SCN9A: variants seen among roughly 807,000 people sequenced by gnomAD.
SCN9A encodes the protein sodium voltage-gated channel alpha subunit 9, also known as sodium channel protein type 9 subunit alpha.
SCN9A carries 131 observed loss-of-function variants against 187.0 expected under a neutral mutation model. The ratio of observed to expected loss-of-function variants is 0.70; its 90% CI spans 0.61 to 0.81. The LOEUF is 0.81. Among genes scored for constraint, SCN9A ranks in the 30% least tolerant of loss-of-function variants. The probability of loss-of-function intolerance (pLI) is 0.00; values close to 1 mark genes in which losing one functional copy is unlikely to be tolerated. For synonymous variants in SCN9A, 809 were observed against 808.6 expected (o/e 1.00, Z -0.01); for missense variants, 2,252 against 2,396.6 (o/e 0.94, Z 1.26).
At chr2:166,370,222 T>TC (rs201414746) in intron 1 of SCN9A, among the ~76,000 whole-genome samples, 22,530 of 141,348 alleles carry the variant, frequency 0.16, 1,976 homozygotes, top group African/African-American at 0.21. Flanking sequence ...ATAATAATAA[T>TC]AATAATAATA....
At chr2:166,333,984 T>C (rs1375348911) in intron 1 of SCN9A, among the ~76,000 whole-genome samples, 1 of 152,088 alleles carries the variant, frequency 6.6e-6, no homozygotes, top group African/African-American at 2.4e-5. Context: ...AGGGCATCAA[T>C]TAACAATGTT....
At chr2:166,300,571 G>A (rs1000514399) in intron 7 of SCN9A, among the ~76,000 whole-genome samples, 1 of 150,518 alleles carries the variant, frequency 6.6e-6, no homozygotes, top group African/African-American at 2.5e-5. Context: ...ATTCCCACTA[G>A]ATGATAAGCT....
intron 19 of SCN9A, among the ~76,000 whole-genome samples, chr2:166,241,935 C>T (rs1695582749): frequency 6.6e-6 from 1 of 152,094 alleles, no homozygotes; most frequent in Non-Finnish European, 1.5e-5. Context: ...GGGTACAAAA[C>T]ATTACTCCAA....
chr2:166,261,462 A>G (rs1017050843), intron 17 of SCN9A, among the ~76,000 whole-genome samples: 92 of 152,064 alleles, frequency 6.1e-4, no homozygotes, highest in African/African-American at 2.0e-3. Flanking sequence ...GGTATTGGAT[A>G]TAAAGCTGTA....
intron 5 of SCN9A, among the ~76,000 whole-genome samples, chr2:166,304,756 G>A (rs1230559323): frequency 6.6e-6 from 1 of 152,002 alleles, no homozygotes; most frequent in African/African-American, 2.4e-5. Flanking sequence ...GTTTCCAAGG[G>A]GCCAGGGAGA....
intron 24 of SCN9A, among the ~76,000 whole-genome samples, chr2:166,209,448 A>G (rs1362915649): frequency 2.0e-5 from 3 of 152,214 alleles, no homozygotes; most frequent in African/African-American, 7.2e-5. Flanking sequence ...TGATACATGA[A>G]CACAATGAGG....
intron 10 of SCN9A, 150 bp downstream of exon 10, chr2:166,288,287 T>G: frequency 1.7e-6 from 1 of 575,804 alleles, no homozygotes; most frequent in Non-Finnish European, 2.9e-6. Flanking sequence ...ATTGGTTCCT[T>G]TTTCCACACC....
At chr2:166,227,003 CTAAG>C (rs569750004) in intron 23 of SCN9A, among the ~76,000 whole-genome samples, 43 of 152,048 alleles carry the variant, frequency 2.8e-4, no homozygotes, top group African/African-American at 9.4e-4. Flanking sequence ...AATTCAATAA[CTAAG>C]TGACATACTA....
At chr2:166,254,601 AT>A (rs1463912296) in intron 17 of SCN9A, among the ~76,000 whole-genome samples, 2 of 151,440 alleles carry the variant, frequency 1.3e-5, no homozygotes, top group South Asian at 2.1e-4. Context: ...AATTATTTGT[AT>A]TATTTTATAT....
chr2:166,243,546 CT>C (rs1695657476), intron 18 of SCN9A, among the ~76,000 whole-genome samples: 1 of 151,794 alleles, frequency 6.6e-6, no homozygotes, highest in African/African-American at 2.4e-5. Context: ...GAGATGGAGC[CT>C]GGGTTGAATC....
chr2:166,342,549 C>T (rs927065364), intron 1 of SCN9A, among the ~76,000 whole-genome samples: 1 of 152,066 alleles, frequency 6.6e-6, no homozygotes, highest in Non-Finnish European at 1.5e-5. Context: ...TTTTCTACCT[C>T]ACGTTTAGAA....
chr2:166,272,666 T>G lies in SCN9A; in HGVS notation c.3084A>C (p.Glu1028Asp). 6.2e-7 allele frequency: 1 copy of G among 1,612,248 alleles called. No individual in the cohort carries two copies. Among genetic ancestry groups the G allele is most frequent in the Non-Finnish European group, 8.5e-7 (1 of 1,179,162 alleles). The part of the protein sequence containing the change: ...PKISREIRQA[E>D]DLNTKKENYI... Reference sequence around the variant, plus strand: ...AGTTTTCCTTCTTAGTATTCAGATCTTCTGCTTGTCTTATCTCCCTGGAAA... The same window carrying G: ...AGTTTTCCTTCTTAGTATTCAGATCGTCTGCTTGTCTTATCTCCCTGGAAA... The change falls in exon 17 of 27, where the codon GAA (glutamate) becomes GAC (aspartate). Residue 1028 changes from glutamate (E) to aspartate (D), a missense_variant. Glu to Asp is a conservative substitution (Grantham distance 45). Coordinates refer to ENST00000642356, the MANE Select transcript of SCN9A (RefSeq NM_001365536.1).
intron 15 of SCN9A, 110 bp from the exon 16 acceptor site, chr2:166,277,449 T>A: frequency 4.7e-6 from 3 of 642,258 alleles, no homozygotes; most frequent in Non-Finnish European, 8.0e-6. Flanking sequence ...TATAATATTG[T>A]CATTATTATC....
intron 24 of SCN9A, among the ~76,000 whole-genome samples, chr2:166,221,421 GAGA>G (rs1421138608): frequency 1.3e-5 from 2 of 152,126 alleles, no homozygotes; most frequent in Non-Finnish European, 2.9e-5. Flanking sequence ...TTTATTGAGA[GAGA>G]AGATCTCACC....
At chr2:166,241,453 G>GCTT in intron 19 of SCN9A, among the ~76,000 whole-genome samples, 1 of 152,186 alleles carries the variant, frequency 6.6e-6, no homozygotes, top group South Asian at 2.1e-4. Context: ...CACACAAGAT[G>GCTT]CTTCACAAGC....
intron 7 of SCN9A, among the ~76,000 whole-genome samples, chr2:166,297,256 G>A (rs34714940): frequency 0.065 from 8,812 of 135,524 alleles, 345 homozygotes; most frequent in Middle Eastern, 0.17. Flanking sequence ...CCCACTACTA[G>A]GTATATACTG....
intron 25 of SCN9A, 39 bp downstream of exon 25, chr2:166,204,321 T>G: frequency 6.4e-7 from 1 of 1,567,086 alleles, no homozygotes; most frequent in Non-Finnish European, 8.7e-7. Context: ...TAGAAATAAT[T>G]TGAAAATCTA....
intron 17 of SCN9A, among the ~76,000 whole-genome samples, chr2:166,256,213 T>G (rs1035732780): frequency 2.0e-5 from 3 of 151,418 alleles, no homozygotes; most frequent in Non-Finnish European, 3.0e-5. Context: ...CATTATCCTC[T>G]TATAGAGTTT....
At chr2:166,214,794 G>A (rs1400717401) in intron 24 of SCN9A, among the ~76,000 whole-genome samples, 2 of 151,780 alleles carry the variant, frequency 1.3e-5, no homozygotes, top group Admixed American at 6.6e-5. Context: ...GATTACAGGC[G>A]TGAGCCACCG....
Sources: allele counts gnomAD v4.1 joint callset (sites outside exome capture counted in the v4.1 genomes callset), GRCh38; gene constraint gnomAD v4.1.1; transcripts MANE v1.5; gene names NCBI Gene and HGNC (gene_info 2026-07-23, HGNC 2026-07-21).